The following OXR1 variants were observed in gnomAD, a reference collection of about 807,000 sequenced individuals.
The protein encoded by OXR1 is oxidation resistance 1, also known as oxidation resistance protein 1.
In OXR1, 41 loss-of-function variants were observed where a neutral mutation model predicts 104.6. The ratio of observed to expected loss-of-function variants is 0.39; its 90% CI spans 0.31 to 0.51. OXR1 has a LOEUF of 0.51. OXR1 is among the 20% of genes least tolerant of loss of function. The probability of loss-of-function intolerance (pLI) is 0.77; values close to 1 mark genes in which losing one functional copy is unlikely to be tolerated. For missense variants in OXR1, 955 were observed against 1,031.9 expected (o/e 0.93, Z 1.02); for synonymous variants, 348 against 348.4 (o/e 1.00, Z 0.01).
intron 16 of OXR1, among the ~76,000 whole-genome samples, chr8:106,747,747 T>C (rs1254571681): frequency 2.0e-5 from 3 of 152,236 alleles, no homozygotes; most frequent in Non-Finnish European, 4.4e-5. Flanking sequence ...CAATTTTATA[T>C]GTGATATTAA....
chr8:106,679,345 A>G (rs1182862061), intron 4 of OXR1, 53 bp downstream of exon 4: 6 of 919,008 alleles, frequency 6.5e-6, no homozygotes, highest in South Asian at 1.6e-5. Context: ...GTCTTCTTTA[A>G]GACATTCTCT....
intron 16 of OXR1, among the ~76,000 whole-genome samples, chr8:106,750,492 AT>A (rs1247530846): frequency 6.6e-6 from 1 of 151,104 alleles, no homozygotes; most frequent in African/African-American, 2.4e-5. Flanking sequence ...CGCCTGGCTA[AT>A]TTTTTTTGTA....
chr8:106,647,757 G>A (rs1042603930), intron 3 of OXR1, among the ~76,000 whole-genome samples: 1 of 152,156 alleles, frequency 6.6e-6, no homozygotes, highest in African/African-American at 2.4e-5. Flanking sequence ...GCCTCCCAAC[G>A]TGCTTAGATT....
chr8:106,391,053 A>C (rs1407794232), intron 2 of OXR1, among the ~76,000 whole-genome samples: 6 of 152,194 alleles, frequency 3.9e-5, no homozygotes, highest in Admixed American at 2.6e-4. Context: ...CGCCTTTAAA[A>C]AACATAGAAA....
At chr8:106,405,160 A>AGTG (rs1369065094) in intron 2 of OXR1, among the ~76,000 whole-genome samples, 1 of 23,976 alleles carries the variant, frequency 4.2e-5, no homozygotes, top group African/African-American at 1.2e-4. Context: ...ATATATATAT[A>AGTG]TATATATATA....
intron 3 of OXR1, among the ~76,000 whole-genome samples, chr8:106,532,409 A>G (rs1332492130): frequency 6.6e-6 from 1 of 152,230 alleles, no homozygotes; most frequent in Non-Finnish European, 1.5e-5. Context: ...ACCTTGGACA[A>G]GTCACTTAAT....
At chr8:106,522,144 T>C (rs1483700262) in intron 3 of OXR1, among the ~76,000 whole-genome samples, 1 of 152,240 alleles carries the variant, frequency 6.6e-6, no homozygotes, top group Non-Finnish European at 1.5e-5. Flanking sequence ...AAGTGTCTTT[T>C]AGTGGCTGCA....
intron 2 of OXR1, among the ~76,000 whole-genome samples, chr8:106,375,784 C>G (rs924011722): frequency 1.3e-5 from 2 of 152,150 alleles, no homozygotes; most frequent in Non-Finnish European, 2.9e-5. Context: ...AAAAGCAAAG[C>G]CCAGTGTTAG....
At chr8:106,733,989 ATTTTTTTTT>A (rs34442106) in intron 11 of OXR1, among the ~76,000 whole-genome samples, 13 of 140,648 alleles carry the variant, frequency 9.2e-5, no homozygotes, top group African/African-American at 1.3e-4. Flanking sequence ...TTAATTCTGG[ATTTTTTTTT>A]TTTTTTTTTT....
intron 2 of OXR1, among the ~76,000 whole-genome samples, chr8:106,404,951 C>G (rs751161952): frequency 6.6e-6 from 1 of 151,862 alleles, no homozygotes; most frequent in African/African-American, 2.4e-5. Context: ...GGGATCCACC[C>G]GCGTCAGCCT....
At chr8:106,417,607 A>G (rs1467387720) in intron 2 of OXR1, among the ~76,000 whole-genome samples, 1 of 152,196 alleles carries the variant, frequency 6.6e-6, no homozygotes, top group Non-Finnish European at 1.5e-5. Flanking sequence ...TACACTGTCT[A>G]CAAAAACTCT....
At chr8:106,529,262 T>A (rs556736274) in intron 3 of OXR1, among the ~76,000 whole-genome samples, 62 of 152,332 alleles carry the variant, frequency 4.1e-4, no homozygotes, top group African/African-American at 1.5e-3. Context: ...ACAGTCTACA[T>A]CTCCATGTGC....
chr8:106,586,133 A>G (rs749525636), intron 3 of OXR1, among the ~76,000 whole-genome samples: 2 of 152,196 alleles, frequency 1.3e-5, no homozygotes, highest in African/African-American at 2.4e-5. Flanking sequence ...TTGTTGGAAC[A>G]TCAAGATTGG....
chr8:106,399,887 A>C (rs1395631211), intron 2 of OXR1, among the ~76,000 whole-genome samples: 1 of 152,174 alleles, frequency 6.6e-6, no homozygotes, highest in Non-Finnish European at 1.5e-5. Context: ...GATAAGATAA[A>C]GGGTTCTGTA....
chr8:106,655,599 G>C (rs1196030359), intron 3 of OXR1, among the ~76,000 whole-genome samples: 1 of 152,172 alleles, frequency 6.6e-6, no homozygotes, highest in Non-Finnish European at 1.5e-5. Context: ...AAAGAAAAAT[G>C]AATGTTCATA....
At chr8:106,602,755 T>G (rs1820069863) in intron 3 of OXR1, among the ~76,000 whole-genome samples, 1 of 152,148 alleles carries the variant, frequency 6.6e-6, no homozygotes, top group African/African-American at 2.4e-5. Flanking sequence ...GATAGTACAT[T>G]TCTTCATGTT....
chr8:106,685,273 T>G (rs1828586723), intron 6 of OXR1, among the ~76,000 whole-genome samples: 1 of 152,128 alleles, frequency 6.6e-6, no homozygotes, highest in Non-Finnish European at 1.5e-5. Flanking sequence ...TACAAAGAGA[T>G]GTACTCATAA....
At chr8:106,673,881 A>G (rs1207972482) in intron 3 of OXR1, among the ~76,000 whole-genome samples, 1 of 152,234 alleles carries the variant, frequency 6.6e-6, no homozygotes, top group African/African-American at 2.4e-5. Context: ...GAACTCATGA[A>G]TTGAGGTTTG....
At chr8:106,615,389 G>A (rs916736333) in intron 3 of OXR1, among the ~76,000 whole-genome samples, 4 of 151,112 alleles carry the variant, frequency 2.6e-5, no homozygotes, top group South Asian at 2.1e-4. Flanking sequence ...CCAAGATTGC[G>A]CCACTGCACT....
Sources: allele counts gnomAD v4.1 joint callset (sites outside exome capture counted in the v4.1 genomes callset), GRCh38; gene constraint gnomAD v4.1.1; transcripts MANE v1.5; gene names NCBI Gene and HGNC (gene_info 2026-07-23, HGNC 2026-07-21).